Variants in TDRD5 observed in about 807,000 individuals in gnomAD.
TDRD5 encodes the protein tudor domain-containing protein 5.
In TDRD5, 41 loss-of-function variants were observed where a neutral mutation model predicts 120.6. That is an observed-to-expected ratio of 0.34 (90% CI 0.26 to 0.44). The LOEUF (loss-of-function observed/expected upper bound fraction) is 0.44, where lower values mean the gene tolerates loss of function less well. Among genes scored for constraint, TDRD5 ranks in the 20% least tolerant of loss-of-function variants. TDRD5 has a pLI of 1.00. For synonymous variants in TDRD5, 430 were observed against 433.7 expected (o/e 0.99, Z 0.11); for missense variants, 1,006 against 1,221.2 (o/e 0.82, Z 2.63).
intron 6 of TDRD5, among the ~76,000 whole-genome samples, chr1:179,626,992 TAAAAG>T (rs747769353): frequency 1.4e-4 from 22 of 152,002 alleles, no homozygotes; most frequent in Admixed American, 4.6e-4. Context: ...TTTCTGGACT[TAAAAG>T]AAAAAAATTT....
At chr1:179,681,394 G>A (rs779283103) in intron 17 of TDRD5, among the ~76,000 whole-genome samples, 7 of 151,908 alleles carry the variant, frequency 4.6e-5, no homozygotes, top group Admixed American at 2.0e-4. Flanking sequence ...TAAATACATC[G>A]TAAACCCCAC....
intron 7 of TDRD5, among the ~76,000 whole-genome samples, chr1:179,632,699 T>C (rs141981441): frequency 1.6e-4 from 24 of 152,318 alleles, no homozygotes; most frequent in African/African-American, 4.8e-4. Flanking sequence ...GTGTTTATTT[T>C]TGGACCTCTT....
intron 6 of TDRD5, among the ~76,000 whole-genome samples, chr1:179,624,404 T>C (rs948898013): frequency 6.6e-6 from 1 of 152,142 alleles, no homozygotes; most frequent in African/African-American, 2.4e-5. Context: ...CTGCTTCTAT[T>C]CAACATTGTA....
intron 17 of TDRD5, among the ~76,000 whole-genome samples, chr1:179,687,161 G>A (rs369631506): frequency 2.6e-5 from 4 of 151,786 alleles, no homozygotes; most frequent in African/African-American, 9.7e-5. Context: ...ATCTTTCCTG[G>A]TTTCTCTTGT....
At chr1:179,688,440 G>C (rs1043091691) in intron 17 of TDRD5, among the ~76,000 whole-genome samples, 3 of 152,160 alleles carry the variant, frequency 2.0e-5, no homozygotes, top group Non-Finnish European at 4.4e-5. Context: ...CCTTCCCTTT[G>C]TGGGTAACCT....
intron 14 of TDRD5, among the ~76,000 whole-genome samples, chr1:179,658,910 C>T (rs577979103): frequency 3.9e-5 from 6 of 152,252 alleles, no homozygotes; most frequent in Non-Finnish European, 8.8e-5. Flanking sequence ...TGAGTCTCTA[C>T]ATATCACTTT....
chr1:179,594,357 A>G (rs1429870804), intron 3 of TDRD5, among the ~76,000 whole-genome samples: 1 of 152,204 alleles, frequency 6.6e-6, no homozygotes, highest in Non-Finnish European at 1.5e-5. Flanking sequence ...TCTGTATAGC[A>G]TTTTACCTTG....
chr1:179,624,260 G>A (rs1364621041), intron 6 of TDRD5, among the ~76,000 whole-genome samples: 6 of 152,020 alleles, frequency 3.9e-5, no homozygotes, highest in Non-Finnish European at 8.8e-5. Context: ...CAGAAAACTA[G>A]GAATAGAAAA....
chr1:179,679,731 T>TC (rs373734759), intron 17 of TDRD5, among the ~76,000 whole-genome samples: 4 of 151,368 alleles, frequency 2.6e-5, no homozygotes, highest in East Asian at 2.0e-4. Flanking sequence ...TAGAGGTTTT[T>TC]CCCCCCGATC....
chr1:179,599,531 C>T (rs1301787119), intron 4 of TDRD5, among the ~76,000 whole-genome samples: 1 of 149,802 alleles, frequency 6.7e-6, no homozygotes. Flanking sequence ...GTATTTTATG[C>T]TTTCTTTTTT....
At chr1:179,670,391 CAAA>C (rs750042297) in intron 17 of TDRD5, among the ~76,000 whole-genome samples, 1 of 102,734 alleles carries the variant, frequency 9.7e-6, no homozygotes, top group African/African-American at 3.5e-5. Context: ...GACTCCGTCT[CAAA>C]AAAAAAAAAA....
At chr1:179,674,962 T>C (rs1335866136) in intron 17 of TDRD5, among the ~76,000 whole-genome samples, 1 of 152,142 alleles carries the variant, frequency 6.6e-6, no homozygotes, top group African/African-American at 2.4e-5. Context: ...TAATGGTCTT[T>C]CAATTTTTAT....
chr1:179,668,953 C>T lies in TDRD5; in HGVS notation c.2650-241C>T, dbSNP rs565564515. Among the ~76,000 whole-genome samples, 21 of 151,900 alleles carry T rather than the reference C, an allele frequency of 1.4e-4. No individual in the cohort carries two copies. The East Asian group carries it at 3.9e-3, about 28-fold the overall frequency. On this transcript the variant is annotated intron_variant, in intron 16 of 17. Coordinates refer to ENST00000444136, the MANE Select transcript of TDRD5 (RefSeq NM_001199085.3). ...TAGAGACGGGGTTTCACCATGTTGGCCAGGATGGTCTCGATCTCCTGACCT... is the reference window on the plus strand; with the variant it reads ...TAGAGACGGGGTTTCACCATGTTGGTCAGGATGGTCTCGATCTCCTGACCT...
intron 4 of TDRD5, among the ~76,000 whole-genome samples, chr1:179,615,604 A>G (rs1676525530): frequency 6.6e-6 from 1 of 152,046 alleles, no homozygotes; most frequent in Admixed American, 6.6e-5. Flanking sequence ...AGCATCTGAC[A>G]CTAAAAGCGT....
In TDRD5 at chr1:179,652,106, T is replaced by G; in HGVS notation, c.2069T>G (p.Leu690Trp). Reference sequence around the variant, plus strand: ...AGTGGAGGGCCAGAGGACATTGTCTTGACAGAACTGGGTTATCCTTCCCAG... The same window carrying G: ...AGTGGAGGGCCAGAGGACATTGTCTGGACAGAACTGGGTTATCCTTCCCAG... Reference protein sequence around the residue: ...TSSGGPEDIVLTELGYPSQQH... With the variant: ...TSSGGPEDIVWTELGYPSQQH... Residue 690 changes from leucine to tryptophan, a missense_variant, in exon 13 of 18, where the codon TTG becomes TGG. Leu to Trp is a moderately conservative substitution (Grantham distance 61). Coordinates refer to ENST00000444136, the MANE Select transcript of TDRD5 (RefSeq NM_001199085.3). The G allele has an allele frequency of 6.2e-6, 10 of 1,614,078 alleles. No individual in the cohort carries two copies. The highest frequency in any genetic ancestry group is 8.5e-6 in the Non-Finnish European group (10 of 1,180,002).
At chr1:179,633,951 C>T (rs1402456158) in intron 7 of TDRD5, among the ~76,000 whole-genome samples, 1 of 151,752 alleles carries the variant, frequency 6.6e-6, no homozygotes, top group East Asian at 2.0e-4. Context: ...GCGGGCAGAT[C>T]ACGAGGTCAG....
intron 6 of TDRD5, among the ~76,000 whole-genome samples, chr1:179,629,403 A>C (rs1422385571): frequency 2.0e-5 from 3 of 152,218 alleles, no homozygotes; most frequent in Non-Finnish European, 2.9e-5. Context: ...AGTATTAAAA[A>C]GATAATTTGC....
intron 11 of TDRD5, among the ~76,000 whole-genome samples, chr1:179,645,111 A>C (rs1217747361): frequency 9.2e-6 from 1 of 108,248 alleles, no homozygotes; most frequent in Non-Finnish European, 1.7e-5. Context: ...TTTGAGACGG[A>C]GTCTCGCTCT....
chr1:179,651,030 G>GC lies in TDRD5; in HGVS notation c.1966dup (p.His656ProfsTer12). On this transcript the variant is annotated frameshift_variant, in exon 12 of 18. Coordinates refer to ENST00000444136, the MANE Select transcript of TDRD5 (RefSeq NM_001199085.3). LOFTEE classifies it high-confidence loss of function. ...TTCCATCATGTCTTGAGAACAGAGG[G>GC]CCATGCTATTGTATGCCGAGAAAAT... 6.2e-7 allele frequency: 1 copy of GC among 1,614,094 alleles called. No individual in the cohort carries two copies. Among genetic ancestry groups the GC allele is most frequent in the Non-Finnish European group, 8.5e-7 (1 of 1,180,002 alleles).
Sources: gnomAD v4.1 joint callset for allele counts (sites outside exome capture counted in the v4.1 genomes callset) on GRCh38, gnomAD v4.1.1 for gene constraint, MANE v1.5 for transcripts, NCBI Gene and HGNC (gene_info 2026-07-23, HGNC 2026-07-21) for gene names.